TLR5: variants seen among roughly 807,000 people sequenced by gnomAD.
The protein encoded by TLR5 is toll like receptor 5, also known as toll-like receptor 5.
For synonymous variants in TLR5, 373 were observed against 384.4 expected (o/e 0.97, Z 0.35); for missense variants, 944 against 999.8 (o/e 0.94, Z 0.75).
In TLR5 at chr1:223,138,820, G is replaced by A. The variant is rs5744127; in HGVS notation, c.-438-1557C>T. On this transcript the variant is annotated intron_variant, in intron 2 of 5. Transcript: ENST00000642603. The stretch of plus-strand genomic sequence containing the variant: ...TTACTCTTTGATATGGTTTGGCTGT[G>A]TCCCCACCCAAATCTCATCTTGAAT... 5.8e-3 allele frequency among the ~76,000 whole-genome samples: 887 copies of A among 152,242 alleles called. 8 individuals are homozygous for A. Among genetic ancestry groups the A allele is most frequent in the African/African-American group, 0.02 (835 of 41,536 alleles).
Position 223,110,361 on chromosome 1 carries a change from A to T in TLR5, c.*94T>A. On this transcript the variant is annotated 3_prime_UTR_variant, in exon 6 of 6. Coordinates refer to ENST00000642603, the MANE Select transcript of TLR5 (RefSeq NM_003268.6). Reference sequence around the variant, plus strand: ...TTCATAGTAGCAAAAAGAAAAAAAAAACCTCCAGAGAGGACCCCAAAATGA... The same window carrying T: ...TTCATAGTAGCAAAAAGAAAAAAAATACCTCCAGAGAGGACCCCAAAATGA... The T allele has an allele frequency of 1.5e-6, 2 of 1,361,238 alleles. No homozygotes were observed. The highest frequency in any genetic ancestry group is 4.6e-5 in the East Asian group (2 of 43,770). 84.3% of individuals were successfully genotyped at this position (1,361,238 alleles called of 1,614,324 possible). A position where few individuals can be genotyped will look rare whatever the true frequency, so the allele number is the denominator to read the frequency against.
intron 1 of TLR5, 53 bp from the exon 2 acceptor site, chr1:223,141,816 T>G (rs1234793578): frequency 0.048 from 2,082 of 43,066 alleles, 26 homozygotes; most frequent in African/African-American, 0.095. Flanking sequence ...TATATATATA[T>G]ATATATAGAG....
intron 3 of TLR5, among the ~76,000 whole-genome samples, chr1:223,135,440 C>G (rs1361003639): frequency 1.3e-5 from 2 of 152,294 alleles, no homozygotes; most frequent in South Asian, 4.1e-4. Context: ...TTGGCTCCAA[C>G]TTGCTAGTGG....
At chr1:223,128,277 G>A (rs1347700786) in intron 5 of TLR5, 2 of 152,246 alleles carry the variant, frequency 1.3e-5, no homozygotes, top group Non-Finnish European at 2.9e-5. Flanking sequence ...CCACGCAGCT[G>A]TCTACTGCAT....
chr1:223,136,834 AT>A (rs527804452), intron 3 of TLR5, among the ~76,000 whole-genome samples: 15 of 149,080 alleles, frequency 1.0e-4, no homozygotes, highest in Non-Finnish European at 2.1e-4. Context: ...TGTTTTTTAA[AT>A]TTTTTTTTTT....
At chr1:223,115,257 A>T (rs1558121763) in intron 5 of TLR5, among the ~76,000 whole-genome samples, 2 of 152,110 alleles carry the variant, frequency 1.3e-5, no homozygotes. Context: ...TGTTTTATTT[A>T]TTATTTATTT....
chr1:223,130,504 A>G (rs1481619641), intron 5 of TLR5, among the ~76,000 whole-genome samples: 3 of 152,272 alleles, frequency 2.0e-5, no homozygotes, highest in Non-Finnish European at 4.4e-5. Context: ...CTCCTCTGCC[A>G]GTTCTCTGGG....
rs2102864791 is a variant in TLR5, at chr1:223,112,324, A to G, written c.708T>C (p.Asn236=). Residue 236 remains asparagine, a synonymous_variant, in exon 6 of 6, where the codon AAT becomes AAC. Transcript: ENST00000642603. ...MVLEILDVSG[N]GWTVDITGNF... is the part of the protein sequence containing the mutation. ...TTCCTGTGATGTCCACTGTCCAGCCATTTCCAGAAACATCTAGTATCTCCA... is the reference window on the plus strand; with the variant it reads ...TTCCTGTGATGTCCACTGTCCAGCCGTTTCCAGAAACATCTAGTATCTCCA... 4 of 1,614,170 alleles carry G rather than the reference A, an allele frequency of 2.5e-6. No homozygotes were observed. The highest frequency in any genetic ancestry group is 3.4e-6 in the Non-Finnish European group (4 of 1,180,036).
In TLR5 at chr1:223,110,874, T is replaced by C. The variant is rs779954412; in HGVS notation, c.2158A>G (p.Ser720Gly). Residue 720 changes from serine (S) to glycine (G), a missense_variant, in exon 6 of 6, where the codon AGT becomes GGT. Ser to Gly is a moderately conservative substitution (Grantham distance 56, BLOSUM62 0). Coordinates refer to ENST00000642603, the MANE Select transcript of TLR5 (RefSeq NM_003268.6). Reference protein sequence around the residue: ...ALLKHLDTQYSDQNRFNLCFE... With the variant: ...ALLKHLDTQYGDQNRFNLCFE... ...CACAGGTTGAATCTGTTTTGGTCAC[T>C]GTATTGAGTGTCCAGGTGTTTGAGC... The C allele has an allele frequency of 5.0e-6, 8 of 1,614,256 alleles. No individual in the cohort carries two copies. The highest frequency in any genetic ancestry group is 6.8e-6 in the Non-Finnish European group (8 of 1,180,044).
chr1:223,138,627 T>C (rs1360278888), intron 2 of TLR5, among the ~76,000 whole-genome samples: 1 of 152,216 alleles, frequency 6.6e-6, no homozygotes. Context: ...AGACTCAATA[T>C]GTCTCAAAGT....
rs762478400 is a variant in TLR5, at chr1:223,111,796, G to T, written c.1236C>A (p.Gly412=). 2 of 1,614,122 alleles carry T rather than the reference G, an allele frequency of 1.2e-6. No individual in the cohort carries two copies. Among genetic ancestry groups the T allele is most frequent in the Admixed American group, 3.3e-5 (2 of 60,014 alleles). The change falls in exon 6 of 6, where the codon GGC becomes GGA. Residue 412 remains glycine, a synonymous_variant. Transcript: ENST00000642603. ...IPSIPDIFLS[G]NKLVTLPKIN... The stretch of plus-strand genomic sequence containing the variant: ...TCTTTGGCAAAGTCACTAGTTTATT[G>T]CCACTCAAGAAGATATCGGGTATGC...
In TLR5 at chr1:223,111,627, G is replaced by A. The variant is rs749216854; in HGVS notation, c.1405C>T (p.Pro469Ser). 2.5e-6 allele frequency: 4 copies of A among 1,614,072 alleles called. No homozygotes were observed. Among genetic ancestry groups the A allele is most frequent in the Non-Finnish European group, 3.4e-6 (4 of 1,180,010 alleles). ...RFSSCSGDQTPSENPSLEQLF... is the reference protein window; with the variant it reads ...RFSSCSGDQTSSENPSLEQLF... Reference sequence around the variant, plus strand: ...TGTTCTAAGCTGGGATTCTCTGAAGGGGTTTGATCTCCACTACAGGAGGAG... The same window carrying A: ...TGTTCTAAGCTGGGATTCTCTGAAGAGGTTTGATCTCCACTACAGGAGGAG... The change falls in exon 6 of 6, where the codon CCT becomes TCT. Residue 469 changes from proline to serine, a missense_variant. Physicochemically the swap from Pro to Ser is moderately conservative, Grantham distance 74 (BLOSUM62 -1). Transcript: ENST00000642603.
chr1:223,138,173 G>A (rs1657692026), intron 2 of TLR5, among the ~76,000 whole-genome samples: 1 of 146,310 alleles, frequency 6.8e-6, no homozygotes, highest in South Asian at 2.1e-4. Flanking sequence ...ATGTTGCCCA[G>A]ACTGGTCTTG....
intron 4 of TLR5, among the ~76,000 whole-genome samples, chr1:223,134,229 C>T (rs545245103): frequency 6.6e-6 from 1 of 152,202 alleles, no homozygotes; most frequent in Non-Finnish European, 1.5e-5. Context: ...ATGCTTAATA[C>T]TCCAACAGTT....
At chr1:223,135,567 A>G (rs1657576800) in intron 3 of TLR5, among the ~76,000 whole-genome samples, 1 of 152,172 alleles carries the variant, frequency 6.6e-6, no homozygotes, top group Non-Finnish European at 1.5e-5. Context: ...TCTAACTTTC[A>G]TTGTCCTCAG....
At chr1:223,119,987 TAAAATA>T (rs1316096887) in intron 5 of TLR5, among the ~76,000 whole-genome samples, 3 of 71,934 alleles carry the variant, frequency 4.2e-5, no homozygotes, top group Non-Finnish European at 7.8e-5. Flanking sequence ...ATAAATAAAA[TAAAATA>T]AAATAAAATA....
chr1:223,110,896 G>T lies in TLR5; in HGVS notation c.2136C>A (p.Leu712=). The change falls in exon 6 of 6, where the codon CTC becomes CTA. Residue 712 remains leucine, a synonymous_variant. Transcript: ENST00000642603. ...KDFTWVQNAL[L]KHLDTQYSDQ... is the part of the protein sequence containing the mutation. Reference sequence around the variant, plus strand: ...CACTGTATTGAGTGTCCAGGTGTTTGAGCAAAGCATTCTGCACCCATGTGA... The same window carrying T: ...CACTGTATTGAGTGTCCAGGTGTTTTAGCAAAGCATTCTGCACCCATGTGA... The T allele has an allele frequency of 1.2e-6, 2 of 1,614,218 alleles. No homozygotes were observed. Among genetic ancestry groups the T allele is most frequent in the Non-Finnish European group, 1.7e-6 (2 of 1,180,046 alleles).
intron 2 of TLR5, among the ~76,000 whole-genome samples, chr1:223,140,255 C>T (rs957523541): frequency 1.3e-5 from 2 of 152,056 alleles, no homozygotes; most frequent in Non-Finnish European, 2.9e-5. Flanking sequence ...ACACAAAAAA[C>T]GCATGGTCAG....
intron 5 of TLR5, among the ~76,000 whole-genome samples, chr1:223,118,018 C>A (rs1044874922): frequency 7.2e-5 from 11 of 152,156 alleles, no homozygotes; most frequent in African/African-American, 2.7e-4. Flanking sequence ...TATTCCAAGC[C>A]AAATGTGAGG....
Sources: gnomAD v4.1 joint callset for allele counts (sites outside exome capture counted in the v4.1 genomes callset) on GRCh38, gnomAD v4.1.1 for gene constraint, MANE v1.5 for transcripts, NCBI Gene and HGNC (gene_info 2026-07-23, HGNC 2026-07-21) for gene names.